Variants in MGAT5 observed in about 807,000 individuals in gnomAD.
The protein encoded by MGAT5 is alpha-1,6-mannosylglycoprotein 6-beta-N-acetylglucosaminyltransferase.
A neutral mutation model predicts 94.3 loss-of-function variants in MGAT5; 30 were observed. That is an observed-to-expected ratio of 0.32 (90% CI 0.24 to 0.43). MGAT5 has a LOEUF of 0.43. MGAT5 is among the 20% of genes least tolerant of loss of function. The pLI is 1.00. For synonymous variants in MGAT5, 310 were observed against 322.9 expected, an observed-to-expected ratio of 0.96 and a Z score of 0.43; for missense variants, 691 against 905.5, an observed-to-expected ratio of 0.76 and a Z score of 3.04.
At chr2:134,313,000 T>C (rs1029055443) in intron 2 of MGAT5, among the ~76,000 whole-genome samples, 1 of 150,978 alleles carries the variant, frequency 6.6e-6, no homozygotes, top group Non-Finnish European at 1.5e-5. Flanking sequence ...CTCCCCTTTT[T>C]CCTTCCTTGC....
intron 1 of MGAT5, among the ~76,000 whole-genome samples, chr2:134,221,461 G>A (rs1201743895): frequency 1.3e-5 from 2 of 150,804 alleles, no homozygotes; most frequent in African/African-American, 4.8e-5. Flanking sequence ...GCAGACTTCA[G>A]AGAGAGAGAG....
chr2:134,194,176 G>C (rs1299616375), intron 1 of MGAT5, among the ~76,000 whole-genome samples: 1 of 152,208 alleles, frequency 6.6e-6, no homozygotes, highest in Non-Finnish European at 1.5e-5. Flanking sequence ...TCCTGTGAAT[G>C]AATTGAATTA....
At chr2:134,291,355 G>A (rs1299175728) in intron 2 of MGAT5, among the ~76,000 whole-genome samples, 1 of 152,146 alleles carries the variant, frequency 6.6e-6, no homozygotes, top group Non-Finnish European at 1.5e-5. Flanking sequence ...GGAGAAGATA[G>A]CTATTAGCTA....
chr2:134,397,434 C>T (rs1432837430), intron 10 of MGAT5, among the ~76,000 whole-genome samples: 1 of 151,022 alleles, frequency 6.6e-6, no homozygotes, highest in Admixed American at 6.6e-5. Context: ...ATTGGGCTGC[C>T]TGGACTCTCC....
intron 1 of MGAT5, among the ~76,000 whole-genome samples, chr2:134,156,170 A>C (rs1687470000): frequency 6.6e-6 from 1 of 152,182 alleles, no homozygotes; most frequent in Non-Finnish European, 1.5e-5. Flanking sequence ...GCGCTTCTGC[A>C]CAGGCCGCCG....
chr2:134,162,048 G>A (rs1272754296), intron 1 of MGAT5, among the ~76,000 whole-genome samples: 1 of 151,878 alleles, frequency 6.6e-6, no homozygotes, highest in Non-Finnish European at 1.5e-5. Flanking sequence ...AAATTAGCTG[G>A]TCATGGTGGT....
chr2:134,159,065 A>G (rs1291241718), intron 1 of MGAT5, among the ~76,000 whole-genome samples: 1 of 152,234 alleles, frequency 6.6e-6, no homozygotes, highest in Admixed American at 6.5e-5. Flanking sequence ...ATTACGTTAC[A>G]TAAAATACAT....
chr2:134,408,521 ACT>A (rs1683469925), intron 11 of MGAT5, among the ~76,000 whole-genome samples: 1 of 152,048 alleles, frequency 6.6e-6, no homozygotes, highest in Non-Finnish European at 1.5e-5. Flanking sequence ...TTAGCAGCAG[ACT>A]CTGACAAAAG....
intron 1 of MGAT5, among the ~76,000 whole-genome samples, chr2:134,189,602 G>GTTTTTTTTTGTTTTT (rs1689240830): frequency 4.7e-5 from 4 of 84,670 alleles, no homozygotes; most frequent in South Asian, 8.3e-4. Context: ...GTTTTTTTTT[G>GTTTTTTTTTGTTTTT]TTTTTTTTTT....
chr2:134,382,397 G>A (rs1048995813), intron 10 of MGAT5, among the ~76,000 whole-genome samples: 1 of 152,124 alleles, frequency 6.6e-6, no homozygotes, highest in African/African-American at 2.4e-5. Flanking sequence ...CTATTGTGTC[G>A]AAATAGGAAG....
intron 1 of MGAT5, among the ~76,000 whole-genome samples, chr2:134,133,684 A>G (rs1202250184): frequency 6.6e-6 from 1 of 152,218 alleles, no homozygotes; most frequent in Non-Finnish European, 1.5e-5. Context: ...AGGTTTAATC[A>G]AAGGGCCACC....
intron 1 of MGAT5, among the ~76,000 whole-genome samples, chr2:134,182,547 A>G (rs1278704251): frequency 6.6e-6 from 1 of 152,172 alleles, no homozygotes; most frequent in Non-Finnish European, 1.5e-5. Context: ...TGCACACATC[A>G]TTGGTATGCA....
intron 1 of MGAT5, among the ~76,000 whole-genome samples, chr2:134,264,017 G>GTTTTGTTTT (rs1553433826): frequency 9.2e-5 from 10 of 108,926 alleles, no homozygotes; most frequent in East Asian, 8.9e-4. Flanking sequence ...ATGCCATTAG[G>GTTTTGTTTT]TTTTTTTTTT....
intron 1 of MGAT5, among the ~76,000 whole-genome samples, chr2:134,203,687 G>A (rs1679904191): frequency 1.3e-5 from 2 of 151,768 alleles, no homozygotes; most frequent in Non-Finnish European, 2.9e-5. Flanking sequence ...ACTCTTGGGG[G>A]CCCAAGACTG....
rs552006951 is a variant in MGAT5 at position 134,354,252 on chromosome 2, T to C, written c.1246+4314T>C. On this transcript the variant is annotated intron_variant, in intron 9 of 15. Coordinates refer to ENST00000281923, the MANE Select transcript of MGAT5 (RefSeq NM_002410.5). ...GTACTCAGGTTCCTGTGTGCTTAGA[T>C]TGTGTTCTACTGATGGAATGCACAG... Among the ~76,000 whole-genome samples the C allele has an allele frequency of 3.7e-4, 56 of 152,306 alleles. 1 individual carries two copies. The South Asian group carries it at 8.3e-3, about 23-fold the overall frequency.
intron 9 of MGAT5, among the ~76,000 whole-genome samples, chr2:134,356,515 C>G (rs1043059708): frequency 2.0e-5 from 3 of 152,158 alleles, no homozygotes; most frequent in Non-Finnish European, 2.9e-5. Context: ...GTCTAAGTCT[C>G]TGTTCTCCAG....
chr2:134,159,168 G>A (rs895924014), intron 1 of MGAT5, among the ~76,000 whole-genome samples: 1 of 148,680 alleles, frequency 6.7e-6, no homozygotes, highest in African/African-American at 2.5e-5. Flanking sequence ...CATTTCTTCT[G>A]GAGAACACTG....
At chr2:134,163,648 A>G (rs915628417) in intron 1 of MGAT5, among the ~76,000 whole-genome samples, 1 of 152,216 alleles carries the variant, frequency 6.6e-6, no homozygotes, top group Non-Finnish European at 1.5e-5. Context: ...TAAGAGGAAC[A>G]TGTGAGTTTA....
intron 1 of MGAT5, among the ~76,000 whole-genome samples, chr2:134,264,814 G>A (rs1165194382): frequency 1.3e-5 from 2 of 152,210 alleles, no homozygotes; most frequent in African/African-American, 4.8e-5. Context: ...AGAGCAGCAA[G>A]TGAAGCTGCT....
Sources: allele counts gnomAD v4.1 joint callset (sites outside exome capture counted in the v4.1 genomes callset), GRCh38; gene constraint gnomAD v4.1.1; transcripts MANE v1.5; gene names NCBI Gene and HGNC (gene_info 2026-07-23, HGNC 2026-07-21).